CADPS: variants seen among roughly 807,000 people sequenced by gnomAD.
CADPS encodes calcium-dependent secretion activator 1.
Under a neutral mutation model 167.3 loss-of-function variants are expected in CADPS, and 57 were observed. The observed-to-expected ratio is 0.34, with a 90% CI of 0.28 to 0.42. The LOEUF is 0.42. Ranked by LOEUF, CADPS falls within the 20% of genes least tolerant of loss-of-function variation. The pLI is 1.00. For missense variants in CADPS, 1,414 were observed against 1,738.1 expected, an observed-to-expected ratio of 0.81 and a Z score of 3.32; for synonymous variants, 676 against 635.3, an observed-to-expected ratio of 1.06 and a Z score of -0.96.
intron 21 of CADPS, among the ~76,000 whole-genome samples, chr3:62,489,773 T>C (rs941606800): frequency 1.3e-5 from 2 of 152,208 alleles, no homozygotes; most frequent in African/African-American, 4.8e-5. Flanking sequence ...ACGTAAATAT[T>C]ACTCATTTTA....
chr3:62,670,282 G>A (rs1336797263), intron 3 of CADPS, among the ~76,000 whole-genome samples: 3 of 152,020 alleles, frequency 2.0e-5, no homozygotes, highest in Admixed American at 6.6e-5. Flanking sequence ...CCATCCATCC[G>A]AGTCTTCACT....
intron 3 of CADPS, among the ~76,000 whole-genome samples, chr3:62,685,886 C>T (rs1243722752): frequency 6.6e-6 from 1 of 152,186 alleles, no homozygotes; most frequent in South Asian, 2.1e-4. Flanking sequence ...TGCCTGGTAC[C>T]TGACTGTGGC....
At chr3:62,673,002 C>T (rs1473517387) in intron 3 of CADPS, among the ~76,000 whole-genome samples, 2 of 152,190 alleles carry the variant, frequency 1.3e-5, no homozygotes, top group African/African-American at 2.4e-5. Context: ...TTGGTCTCAG[C>T]CAAGGTCACC....
chr3:62,453,703 G>A (rs931763293), intron 26 of CADPS, among the ~76,000 whole-genome samples: 7 of 152,200 alleles, frequency 4.6e-5, no homozygotes, highest in Non-Finnish European at 1.0e-4. Flanking sequence ...TGACAATTAC[G>A]GTGAAAGCCC....
At chr3:62,622,668 C>G (rs1348727386) in intron 6 of CADPS, among the ~76,000 whole-genome samples, 1 of 152,096 alleles carries the variant, frequency 6.6e-6, no homozygotes, top group African/African-American at 2.4e-5. Flanking sequence ...CATGGGTACA[C>G]TGGTCCACTT....
Position 62,585,063 on chromosome 3 carries a change from A to G in CADPS, c.1577+122T>C. The G allele has an allele frequency of 3.3e-6, 3 of 917,906 alleles. No homozygotes were observed. The South Asian group carries it at 5.5e-5, about 17-fold the overall frequency. 56.9% of individuals were successfully genotyped at this position (917,906 alleles called of 1,614,324 possible). ...GTAAATATCAAAGTCGAATATTTTA[A>G]TATGAATTCTTTATATTTCCTTCTA... On this transcript the variant is annotated intron_variant, in intron 8 of 29. Transcript: ENST00000383710.
At position 62,829,372 on chromosome 3, in the gene CADPS, G is replaced by A. The variant is rs533172690; in HGVS notation, c.441+45217C>T. Among the ~76,000 whole-genome samples the A allele has an allele frequency of 2.4e-4, 36 of 152,222 alleles. No individual in the cohort carries two copies. In the South Asian group the frequency reaches 5.6e-3, roughly 24 times the overall value. On this transcript the variant is annotated intron_variant, in intron 1 of 29. Transcript: ENST00000383710. ...TAAATTATATGAGAGGCTATGTGTA[G>A]GATACATGCAAATACTATGCCATTT...
chr3:62,786,714 CT>C (rs2092469050), intron 1 of CADPS, among the ~76,000 whole-genome samples: 1 of 152,052 alleles, frequency 6.6e-6, no homozygotes, highest in African/African-American at 2.4e-5. Flanking sequence ...TGTAAATCAT[CT>C]TATAAACTTA....
rs1015731678 is a variant in CADPS, at chr3:62,680,298, C to T, written c.889-17904G>A. On this transcript the variant is annotated intron_variant, in intron 3 of 29. Transcript: ENST00000383710. Reference sequence around the variant, plus strand: ...TTCTGAAAAATGGGGATAAGCACAGCGTCTTCCTCTTTGGGCTGGTATGAG... The same window carrying T: ...TTCTGAAAAATGGGGATAAGCACAGTGTCTTCCTCTTTGGGCTGGTATGAG... Among the ~76,000 whole-genome samples, 18 of 151,986 alleles carry T rather than the reference C, an allele frequency of 1.2e-4. 2 individuals carry two copies. Among genetic ancestry groups the T allele is most frequent in the African/African-American group, 1.9e-4 (8 of 41,352 alleles).
intron 6 of CADPS, among the ~76,000 whole-genome samples, chr3:62,595,494 A>G (rs993898100): frequency 6.6e-6 from 1 of 152,220 alleles, no homozygotes; most frequent in Non-Finnish European, 1.5e-5. Context: ...GCTATAAAAT[A>G]AGCTAATTTC....
chr3:62,835,217 C>A (rs917545037), intron 1 of CADPS, among the ~76,000 whole-genome samples: 15 of 151,960 alleles, frequency 9.9e-5, no homozygotes, highest in African/African-American at 3.4e-4. Context: ...ATAAAATTAC[C>A]TTTTCCCATT....
At chr3:62,546,321 C>T (rs1470281611) in intron 11 of CADPS, among the ~76,000 whole-genome samples, 7 of 152,032 alleles carry the variant, frequency 4.6e-5, no homozygotes, top group South Asian at 2.1e-4. Context: ...GTGACCAATC[C>T]GTCCTACTTT....
At chr3:62,701,390 G>A (rs80249591) in intron 3 of CADPS, among the ~76,000 whole-genome samples, 9,330 of 152,160 alleles carry the variant, frequency 0.061, 337 homozygotes, top group South Asian at 0.094. Context: ...ATGTGGATAA[G>A]AGCACTGCTT....
chr3:62,586,380 G>C (rs933975188), intron 7 of CADPS, among the ~76,000 whole-genome samples: 9 of 152,074 alleles, frequency 5.9e-5, no homozygotes, highest in Non-Finnish European at 8.8e-5. Context: ...TGGACACTCT[G>C]GCCTTCTAGA....
chr3:62,633,256 T>C (rs2065643276), intron 6 of CADPS, among the ~76,000 whole-genome samples: 1 of 152,152 alleles, frequency 6.6e-6, no homozygotes, highest in Non-Finnish European at 1.5e-5. Context: ...TCTGCCATCA[T>C]CGACCACCAC....
chr3:62,751,796 CT>C (rs1236112688), intron 3 of CADPS, among the ~76,000 whole-genome samples: 2 of 152,044 alleles, frequency 1.3e-5, no homozygotes, highest in African/African-American at 4.8e-5. Flanking sequence ...TATTACTGTA[CT>C]TTTTTCTATT....
At chr3:62,792,199 A>AC (rs988489465) in intron 1 of CADPS, among the ~76,000 whole-genome samples, 7 of 145,316 alleles carry the variant, frequency 4.8e-5, no homozygotes, top group Non-Finnish European at 1.0e-4. Flanking sequence ...AAGGTGTTTA[A>AC]CTTTTTTTTT....
intron 23 of CADPS, among the ~76,000 whole-genome samples, chr3:62,477,602 A>C (rs1265998392): frequency 6.6e-6 from 1 of 152,130 alleles, no homozygotes; most frequent in Non-Finnish European, 1.5e-5. Context: ...CCTTCTCAGA[A>C]CAGTCTGCCT....
At chr3:62,793,064 G>A (rs1160136067) in intron 1 of CADPS, among the ~76,000 whole-genome samples, 3 of 152,066 alleles carry the variant, frequency 2.0e-5, no homozygotes, top group Admixed American at 6.6e-5. Context: ...AGTAATGAAT[G>A]ACCGTTTAAA....
Sources: allele counts gnomAD v4.1 joint callset (sites outside exome capture counted in the v4.1 genomes callset), GRCh38; gene constraint gnomAD v4.1.1; transcripts MANE v1.5; gene names NCBI Gene and HGNC (gene_info 2026-07-23, HGNC 2026-07-21).